MACROD2: variants seen among roughly 807,000 people sequenced by gnomAD.
The protein encoded by MACROD2 is ADP-ribose glycohydrolase MACROD2.
Under a neutral mutation model 70.4 loss-of-function variants are expected in MACROD2, and 36 were observed. The observed-to-expected ratio is 0.51, with a 90% confidence interval of 0.39 to 0.68. The LOEUF (loss-of-function observed/expected upper bound fraction) is 0.68. Ranked by LOEUF, MACROD2 falls within the 30% of genes least tolerant of loss-of-function variation. The pLI is 0.00. For synonymous variants in MACROD2, 172 were observed against 178.8 expected (o/e 0.96, Z 0.30); for missense variants, 496 against 538.4 (o/e 0.92, Z 0.78).
intron 6 of MACROD2, among the ~76,000 whole-genome samples, chr20:15,309,482 A>G (rs1192982326): frequency 6.6e-6 from 1 of 152,156 alleles, no homozygotes; most frequent in Non-Finnish European, 1.5e-5. Flanking sequence ...TTCTTCCTCT[A>G]ATTTGTGCTT....
At chr20:14,612,938 T>G (rs1983261248) in intron 4 of MACROD2, among the ~76,000 whole-genome samples, 2 of 152,248 alleles carry the variant, frequency 1.3e-5, no homozygotes, top group Admixed American at 1.3e-4. Context: ...GGCTTGTACT[T>G]TATTTCTTCT....
chr20:14,561,557 G>A (rs907671424), intron 4 of MACROD2, among the ~76,000 whole-genome samples: 1 of 151,574 alleles, frequency 6.6e-6, no homozygotes, highest in Non-Finnish European at 1.5e-5. Context: ...GATTCTACAG[G>A]GGTTTTCATT....
chr20:14,745,456 A>G (rs1159940096), intron 5 of MACROD2, among the ~76,000 whole-genome samples: 4 of 152,180 alleles, frequency 2.6e-5, no homozygotes, highest in Middle Eastern at 3.2e-3. Context: ...CACTGAGGAC[A>G]TGCCTCAGAA....
intron 5 of MACROD2, among the ~76,000 whole-genome samples, chr20:14,836,159 CA>C (rs1177396293): frequency 6.6e-6 from 1 of 151,630 alleles, no homozygotes; most frequent in Non-Finnish European, 1.5e-5. Context: ...GGTCCGTACT[CA>C]AAAAAAATTT....
intron 5 of MACROD2, among the ~76,000 whole-genome samples, chr20:15,111,510 T>C (rs2075955478): frequency 6.6e-6 from 1 of 152,180 alleles, no homozygotes; most frequent in Non-Finnish European, 1.5e-5. Flanking sequence ...ATATAGTACT[T>C]AAAACTTATT....
At chr20:15,785,904 G>C (rs1252716704) in intron 8 of MACROD2, among the ~76,000 whole-genome samples, 9 of 152,014 alleles carry the variant, frequency 5.9e-5, no homozygotes. Flanking sequence ...AAAGCAGATG[G>C]ACATCATATA....
chr20:14,944,331 G>A (rs914920009), intron 5 of MACROD2, among the ~76,000 whole-genome samples: 1 of 152,134 alleles, frequency 6.6e-6, no homozygotes, highest in African/African-American at 2.4e-5. Flanking sequence ...GATTGTATGT[G>A]TTACCTGGGA....
chr20:16,001,210 G>A (rs2066704240), intron 15 of MACROD2, among the ~76,000 whole-genome samples: 1 of 152,178 alleles, frequency 6.6e-6, no homozygotes, highest in Non-Finnish European at 1.5e-5. Flanking sequence ...AAAGCAGGTG[G>A]TATAAGGAGT....
At chr20:15,377,805 A>T (rs910374153) in intron 6 of MACROD2, among the ~76,000 whole-genome samples, 1 of 152,254 alleles carries the variant, frequency 6.6e-6, no homozygotes, top group African/African-American at 2.4e-5. Flanking sequence ...TGAGCCACGC[A>T]TGTGGTATCA....
chr20:15,704,146 T>G (rs78660147), intron 8 of MACROD2, among the ~76,000 whole-genome samples: 8,719 of 150,852 alleles, frequency 0.058, 844 homozygotes, highest in African/African-American at 0.2. Context: ...GTTTGTTTAT[T>G]TATTTATTTA....
intron 3 of MACROD2, among the ~76,000 whole-genome samples, chr20:14,195,564 G>T (rs1219636732): frequency 6.6e-6 from 1 of 151,886 alleles, no homozygotes; most frequent in Non-Finnish European, 1.5e-5. Flanking sequence ...CGCATCCTGT[G>T]CCTATAAAAA....
intron 5 of MACROD2, among the ~76,000 whole-genome samples, chr20:15,031,736 T>C (rs1403653112): frequency 2.0e-5 from 3 of 152,118 alleles, no homozygotes; most frequent in Non-Finnish European, 4.4e-5. Context: ...TGCTGATTGG[T>C]CCATGGGTAG....
intron 9 of MACROD2, among the ~76,000 whole-genome samples, chr20:15,869,234 T>G (rs186909163): frequency 0.12 from 3,883 of 31,526 alleles, 213 homozygotes; most frequent in East Asian, 0.21. Context: ...TATATATATA[T>G]ATATAGAGAG....
At chr20:14,772,857 G>T (rs1402227300) in intron 5 of MACROD2, among the ~76,000 whole-genome samples, 1 of 152,024 alleles carries the variant, frequency 6.6e-6, no homozygotes, top group African/African-American at 2.4e-5. Flanking sequence ...TCTGGTAAAA[G>T]AAAAACTGAC....
chr20:14,057,749 C>T (rs1031421689), intron 2 of MACROD2, among the ~76,000 whole-genome samples: 2 of 151,946 alleles, frequency 1.3e-5, no homozygotes, highest in South Asian at 2.1e-4. Flanking sequence ...TTGTATTAGC[C>T]GAAACCTGGA....
chr20:14,874,815 A>G (rs1255475181), intron 5 of MACROD2, among the ~76,000 whole-genome samples: 2 of 151,612 alleles, frequency 1.3e-5, no homozygotes, highest in Non-Finnish European at 2.9e-5. Flanking sequence ...GATGATCCTC[A>G]TGCCTCAGCC....
intron 6 of MACROD2, among the ~76,000 whole-genome samples, chr20:15,281,884 G>A (rs1292213815): frequency 6.6e-6 from 1 of 152,208 alleles, no homozygotes; most frequent in East Asian, 1.9e-4. Context: ...ATCTCCATGA[G>A]GGCTCTACCC....
chr20:15,678,172 C>T (rs1466391543), intron 8 of MACROD2, among the ~76,000 whole-genome samples: 1 of 152,186 alleles, frequency 6.6e-6, no homozygotes, highest in East Asian at 1.9e-4. Flanking sequence ...AAATTATAGA[C>T]TTAAGATTTG....
At chr20:14,087,441 C>T (rs2054091842) in intron 3 of MACROD2, among the ~76,000 whole-genome samples, 1 of 151,960 alleles carries the variant, frequency 6.6e-6, no homozygotes, top group Non-Finnish European at 1.5e-5. Context: ...TGTACCACAG[C>T]TGCTTTGCTG....
Sources: gnomAD v4.1 joint callset for allele counts (sites outside exome capture counted in the v4.1 genomes callset) on GRCh38, gnomAD v4.1.1 for gene constraint, MANE v1.5 for transcripts, NCBI Gene and HGNC (gene_info 2026-07-23, HGNC 2026-07-21) for gene names.